The following CPEB4 variants were observed in gnomAD, a reference collection of about 807,000 sequenced individuals.
CPEB4 encodes cytoplasmic polyadenylation element binding protein 4.
Under a neutral mutation model 72.5 loss-of-function variants are expected in CPEB4, and 12 were observed. That is an observed-to-expected ratio of 0.17 (90% CI 0.11 to 0.27). The LOEUF is 0.27. Ranked by LOEUF, CPEB4 falls within the 10% of genes least tolerant of loss-of-function variation. CPEB4 has a pLI of 1.00. For synonymous variants in CPEB4, 302 were observed against 326.3 expected (o/e 0.93, Z 0.80); for missense variants, 614 against 908.5 (o/e 0.68, Z 4.17).
rs576399770 is a variant in CPEB4 at position 173,890,744 on chromosome 5, T to C, written c.1011T>C (p.Asn337=). Residue 337 remains asparagine (N), a synonymous_variant, in exon 1 of 10, where the codon AAT becomes AAC. Transcript: ENST00000265085. The part of the protein sequence containing the change: ...PLNSISPLKK[N]FASNHIQLQK... The stretch of plus-strand genomic sequence containing the variant: ...ACTCCATCTCGCCTTTGAAGAAAAA[T>C]TTTGCAAGCAATCATATTCAGCTCC... 28 of 1,613,980 alleles carry C rather than the reference T, an allele frequency of 1.7e-5. 1 individual carries two copies. The South Asian group carries it at 2.9e-4, about 16-fold the overall frequency.
Position 173,945,143 on chromosome 5 carries a change from A to G in CPEB4, c.1456+3A>G. 1 of 1,613,012 alleles carries G rather than the reference A, an allele frequency of 6.2e-7. No homozygotes were observed. Reference sequence around the variant, plus strand: ...ATTGCCTCCAGACATTGATGAAGGTATGTTTAGAACTGTTTATAGCACGGT... The same window carrying G: ...ATTGCCTCCAGACATTGATGAAGGTGTGTTTAGAACTGTTTATAGCACGGT... On this transcript the variant is annotated splice_donor_region_variant and intron_variant, in intron 5 of 9. Transcript: ENST00000265085.
At chr5:173,921,862 G>A (rs950562656) in intron 2 of CPEB4, among the ~76,000 whole-genome samples, 1 of 152,222 alleles carries the variant, frequency 6.6e-6, no homozygotes, top group Admixed American at 6.5e-5. Context: ...ATGGGAAGCA[G>A]CATTAACCAG....
Position 173,900,603 on chromosome 5 carries a change from A to G in CPEB4, c.1125+9745A>G, listed in dbSNP as rs933344097. ...GACTTCTTGCCCTGAATAGTTTATT[A>G]GGGAGAAGTCTTATACTGATAGTTT... is the stretch of plus-strand genomic sequence containing the variant. On this transcript the variant is annotated intron_variant, in intron 1 of 9. Coordinates refer to ENST00000265085, the MANE Select transcript of CPEB4 (RefSeq NM_030627.4). The surrounding 1 kb of genome is among the most constrained non-coding windows in gnomAD (Gnocchi z 4.4). Among the ~76,000 whole-genome samples, 4 of 152,228 alleles carry G rather than the reference A, an allele frequency of 2.6e-5. No individual in the cohort carries two copies. Among genetic ancestry groups the G allele is most frequent in the Non-Finnish European group, 5.9e-5 (4 of 68,036 alleles).
intron 2 of CPEB4, among the ~76,000 whole-genome samples, chr5:173,914,434 G>A (rs1278103118): frequency 6.6e-6 from 1 of 152,112 alleles, no homozygotes. Context: ...CTCTTCTAGT[G>A]CTCTGCTTCC....
chr5:173,948,037 G>T (rs1435022716), intron 5 of CPEB4, among the ~76,000 whole-genome samples: 1 of 151,958 alleles, frequency 6.6e-6, no homozygotes, highest in Non-Finnish European at 1.5e-5. Context: ...ACAATTTTGG[G>T]GACAAATTGA....
At chr5:173,946,012 A>C (rs1758003694) in intron 5 of CPEB4, among the ~76,000 whole-genome samples, 1 of 152,226 alleles carries the variant, frequency 6.6e-6, no homozygotes, top group African/African-American at 2.4e-5. Context: ...ATTATGGAGA[A>C]TAGAATAGAT....
chr5:173,909,824 C>G (rs1378758419), intron 1 of CPEB4, among the ~76,000 whole-genome samples: 2 of 151,816 alleles, frequency 1.3e-5, no homozygotes, highest in African/African-American at 2.4e-5. Flanking sequence ...CATGGTGAAA[C>G]CCCATCTCTA....
Position 173,890,219 on chromosome 5 carries a change from A to T in CPEB4, c.486A>T (p.Ala162=), listed in dbSNP as rs1464746415. ...GTSTQPLTSS[A]SSLTGFSNWS... ...CAACCCAACCCTTGACATCTAGCGC[A>T]TCGTCTCTTACTGGTTTCAGTAACT... is the stretch of plus-strand genomic sequence containing the variant. The change falls in exon 1 of 10, where the codon GCA becomes GCT. Residue 162 remains alanine, a synonymous_variant. Transcript: ENST00000265085. The T allele has an allele frequency of 6.2e-7, 1 of 1,614,064 alleles. No individual in the cohort carries two copies. The highest frequency in any genetic ancestry group is 1.3e-5 in the African/African-American group (1 of 74,940).
At position 173,890,006 on chromosome 5, in the gene CPEB4, A is replaced by G; in HGVS notation, c.273A>G (p.Leu91=). The change falls in exon 1 of 10, where the codon TTA becomes TTG. Residue 91 remains leucine (L), a synonymous_variant. Coordinates refer to ENST00000265085, the MANE Select transcript of CPEB4 (RefSeq NM_030627.4). ...AGCAACAGGAACAGCAAGACCCCTTAGAAAAGCAGCAGCTTTCCCCAAGTC... is the reference window on the plus strand; with the variant it reads ...AGCAACAGGAACAGCAAGACCCCTTGGAAAAGCAGCAGCTTTCCCCAAGTC... ...KSQQQEQQDP[L]EKQQLSPSPG... 1 of 1,614,236 alleles carries G rather than the reference A, an allele frequency of 6.2e-7. No individual in the cohort carries two copies. Among genetic ancestry groups the G allele is most frequent in the Admixed American group, 1.7e-5 (1 of 60,034 alleles).
chr5:173,944,870 C>A, intron 4 of CPEB4, 97 bp from the exon 5 acceptor site: 1 of 994,802 alleles, frequency 1.0e-6, no homozygotes, highest in Non-Finnish European at 1.5e-6. Flanking sequence ...ATAAAAGCAG[C>A]AGTTTTATTG....
intron 1 of CPEB4, among the ~76,000 whole-genome samples, chr5:173,904,537 AGT>A (rs954266525): frequency 7.2e-5 from 11 of 152,206 alleles, no homozygotes; most frequent in African/African-American, 2.7e-4. Context: ...TATTTGTATA[AGT>A]AAAATATAAG....
chr5:173,941,005 C>G (rs1328167017), intron 3 of CPEB4, among the ~76,000 whole-genome samples: 4 of 152,016 alleles, frequency 2.6e-5, no homozygotes, highest in Non-Finnish European at 5.9e-5. Flanking sequence ...GATCCACAGC[C>G]CTTACTATTC....
At chr5:173,921,454 G>A (rs542453655) in intron 2 of CPEB4, among the ~76,000 whole-genome samples, 50 of 152,294 alleles carry the variant, frequency 3.3e-4, no homozygotes, top group African/African-American at 1.2e-3. Flanking sequence ...GGACAGGGAG[G>A]AGTGAGGAGG....
chr5:173,913,328 G>T lies in CPEB4; in HGVS notation c.1207+2724G>T, dbSNP rs185574329. On this transcript the variant is annotated intron_variant, in intron 2 of 9. Transcript: ENST00000265085. ...TTCTCCTGTCTCAGCCTCCCAAGCAGCTGGGACTACAGGCGCCTGCCACCA... is the reference window on the plus strand; with the variant it reads ...TTCTCCTGTCTCAGCCTCCCAAGCATCTGGGACTACAGGCGCCTGCCACCA... 5.1e-3 allele frequency among the ~76,000 whole-genome samples: 775 copies of T among 152,100 alleles called. 7 individuals are homozygous for T. The highest frequency in any genetic ancestry group is 0.018 in the African/African-American group (739 of 41,480).
At chr5:173,941,660 A>C (rs1323499946) in intron 3 of CPEB4, among the ~76,000 whole-genome samples, 1 of 151,964 alleles carries the variant, frequency 6.6e-6, no homozygotes, top group Non-Finnish European at 1.5e-5. Context: ...ATCACTTGAG[A>C]TCAGGAGTTC....
intron 4 of CPEB4, among the ~76,000 whole-genome samples, chr5:173,944,559 T>C (rs888948412): frequency 1.3e-5 from 2 of 152,158 alleles, no homozygotes; most frequent in Admixed American, 6.5e-5. Context: ...TTGATTTTTT[T>C]AAAGAAATGT....
intron 1 of CPEB4, among the ~76,000 whole-genome samples, chr5:173,897,978 A>G (rs1756085407): frequency 6.6e-6 from 1 of 152,186 alleles, no homozygotes; most frequent in Non-Finnish European, 1.5e-5. Flanking sequence ...GAAAAACTCC[A>G]TCAGCTACCT....
chr5:173,943,949 A>G (rs1182431232), intron 4 of CPEB4, among the ~76,000 whole-genome samples: 3 of 152,180 alleles, frequency 2.0e-5, no homozygotes, highest in Admixed American at 6.5e-5. Context: ...AAAGTGATAA[A>G]ACAGTGCTTG....
chr5:173,958,563 C>A lies in CPEB4; in HGVS notation c.*2426C>A, dbSNP rs1253627660. 2 of 152,558 alleles carry A rather than the reference C, an allele frequency of 1.3e-5. No individual in the cohort carries two copies. The highest frequency in any genetic ancestry group is 2.9e-5 in the Non-Finnish European group (2 of 68,010). The allele number at this position is 152,558 out of a possible 1,614,324, so 9.5% of individuals were successfully genotyped here. A position where few individuals can be genotyped will look rare whatever the true frequency, so the allele number is the denominator to read the frequency against. On this transcript the variant is annotated 3_prime_UTR_variant, in exon 10 of 10. Transcript: ENST00000265085. ...TTTAGAGTCTGCAGAGAAGAGAAAG[C>A]ATGTTGCTTAAACATCCTTCCCCAG...
Sources: gnomAD v4.1 joint callset for allele counts (sites outside exome capture counted in the v4.1 genomes callset) on GRCh38, gnomAD v4.1.1 for gene constraint, Gnocchi (gnomAD v3.1) non-coding constraint, MANE v1.5 for transcripts, NCBI Gene and HGNC (gene_info 2026-07-23, HGNC 2026-07-21) for gene names.